The following USP14 variants were observed in gnomAD, a reference collection of about 807,000 sequenced individuals.
USP14 encodes the protein ubiquitin carboxyl-terminal hydrolase 14.
In USP14, 38 loss-of-function variants were observed where a neutral mutation model predicts 76.5. The ratio of observed to expected loss-of-function variants is 0.50; its 90% confidence interval spans 0.38 to 0.65. The LOEUF (loss-of-function observed/expected upper bound fraction) is 0.65. USP14 is among the 30% of genes least tolerant of loss of function. The pLI, the probability that USP14 is intolerant of heterozygous loss-of-function variation, is 0.00. For synonymous variants in USP14, 192 were observed against 191.7 expected (o/e 1.00, Z -0.01); for missense variants, 467 against 586.5 (o/e 0.80, Z 2.10).
intron 10 of USP14, 80 bp from the exon 11 acceptor site, chr18:202,800 A>T (rs914962015): frequency 1.7e-5 from 24 of 1,415,272 alleles, no homozygotes; most frequent in Non-Finnish European, 2.2e-5. Flanking sequence ...AGTTTTTAAA[A>T]GGCTTACTGG....
At chr18:164,004 C>T (rs1909197543) in intron 2 of USP14, among the ~76,000 whole-genome samples, 1 of 152,140 alleles carries the variant, frequency 6.6e-6, no homozygotes, top group Non-Finnish European at 1.5e-5. Context: ...TAATGATCTC[C>T]AGCTCCATCC....
chr18:201,063 A>G (rs1472061933), intron 10 of USP14, among the ~76,000 whole-genome samples: 1 of 152,172 alleles, frequency 6.6e-6, no homozygotes, highest in Non-Finnish European at 1.5e-5. Flanking sequence ...GGCCTCCCAA[A>G]GTGCTGGGAT....
chr18:197,750 T>A (rs1173057632), intron 8 of USP14, 54 bp downstream of exon 8: 111 of 1,443,358 alleles, frequency 7.7e-5, no homozygotes, highest in Non-Finnish European at 1.0e-4. Context: ...GATTTTTTTT[T>A]TTATTTTTTT....
rs1555603844 is a variant in USP14 at position 213,985 on chromosome 18, A to AGAT, written c.*2702_*2704dup. 9 of 150,750 alleles carry AGAT rather than the reference A, an allele frequency of 6.0e-5. No homozygotes were observed. Among genetic ancestry groups the AGAT allele is most frequent in the Non-Finnish European group, 1.3e-4 (9 of 67,686 alleles). 9.3% of individuals were successfully genotyped at this position (150,750 alleles called of 1,614,324 possible). A position where few individuals can be genotyped will look rare whatever the true frequency, so the allele number is the denominator to read the frequency against. ...GACAAGATAGATAGATTAGATAGAT[A>AGAT]GATAGATAGATAGATGATGATTGAT... On this transcript the variant is annotated 3_prime_UTR_variant, in exon 16 of 16. Coordinates refer to ENST00000261601, the MANE Select transcript of USP14 (RefSeq NM_005151.4).
At chr18:171,022 A>AT (rs1568416750) in intron 3 of USP14, among the ~76,000 whole-genome samples, 746 of 73,754 alleles carry the variant, frequency 0.01, 2 homozygotes, top group African/African-American at 0.016. Flanking sequence ...AAAAAAAAAA[A>AT]AAAATATATA....
At chr18:185,976 A>G (rs1030102504) in intron 5 of USP14, among the ~76,000 whole-genome samples, 2 of 151,846 alleles carry the variant, frequency 1.3e-5, no homozygotes, top group African/African-American at 4.8e-5. Context: ...TACTGGGATT[A>G]CAGGTGTGAG....
intron 5 of USP14, among the ~76,000 whole-genome samples, chr18:191,108 A>C (rs1217928826): frequency 6.6e-6 from 1 of 152,168 alleles, no homozygotes; most frequent in Non-Finnish European, 1.5e-5. Context: ...AGTGATGTTC[A>C]GGGTATGTCT....
chr18:203,286 GCTTT>G, intron 12 of USP14, 96 bp downstream of exon 12: 2 of 1,152,138 alleles, frequency 1.7e-6, no homozygotes, highest in Non-Finnish European at 2.5e-6. Flanking sequence ...GAATAGTTAA[GCTTT>G]CTTTGAAATA....
At chr18:183,537 C>A (rs1347719377) in intron 5 of USP14, among the ~76,000 whole-genome samples, 1 of 151,732 alleles carries the variant, frequency 6.6e-6, no homozygotes, top group Admixed American at 6.6e-5. Flanking sequence ...TCTAACTTTC[C>A]TCCGTGTTTT....
rs542960980 is a variant in USP14, at chr18:212,701, A to C, written c.*1417A>C. The stretch of plus-strand genomic sequence containing the variant: ...AATACCAAGCATATGAGGTATTTCA[A>C]TATGATAGGCTTCTTACATTTTAAT... On this transcript the variant is annotated 3_prime_UTR_variant, in exon 16 of 16. Coordinates refer to ENST00000261601, the MANE Select transcript of USP14 (RefSeq NM_005151.4). 1 of 152,360 alleles carries C rather than the reference A, an allele frequency of 6.6e-6. No homozygotes were observed. The highest frequency in any genetic ancestry group is 1.9e-4 in the East Asian group (1 of 5,184). The allele number at this position is 152,360 out of a possible 1,614,324, so 9.4% of individuals were successfully genotyped here. A position where few individuals can be genotyped will look rare whatever the true frequency, so the allele number is the denominator to read the frequency against.
intron 6 of USP14, among the ~76,000 whole-genome samples, chr18:195,725 A>G (rs972141298): frequency 5.3e-5 from 8 of 152,186 alleles, no homozygotes; most frequent in East Asian, 1.9e-4. Flanking sequence ...AGAACCAACT[A>G]TAGGTTTAAA....
chr18:198,383 T>C (rs998789009), intron 9 of USP14, among the ~76,000 whole-genome samples: 2 of 152,160 alleles, frequency 1.3e-5, no homozygotes, highest in Non-Finnish European at 2.9e-5. Context: ...TACAGGTGCA[T>C]GCCACCATAC....
chr18:188,708 C>T (rs151245031), intron 5 of USP14, among the ~76,000 whole-genome samples: 10,194 of 151,874 alleles, frequency 0.067, 702 homozygotes, highest in East Asian at 0.32. Context: ...GACAGAGTCT[C>T]GCTGTGTTGC....
In USP14 at chr18:214,597, A is replaced by AGTT. The variant is rs775312754; in HGVS notation, c.*3314_*3316dup. On this transcript the variant is annotated 3_prime_UTR_variant, in exon 16 of 16. Transcript: ENST00000261601. Reference sequence around the variant, plus strand: ...GCTGCTTGGTAACAAAATCTATCACAGTTTTAATAAAAAGAAAAAAAAAAG... The same window carrying AGTT: ...GCTGCTTGGTAACAAAATCTATCACAGTTGTTTTAATAAAAAGAAAAAAAAAAG... 1.2e-5 allele frequency: 19 copies of AGTT among 1,561,194 alleles called. No homozygotes were observed. The South Asian group carries it at 2.3e-4, about 19-fold the overall frequency.
intron 11 of USP14, 59 bp downstream of exon 11, chr18:203,004 T>C: frequency 6.2e-7 from 1 of 1,606,408 alleles, no homozygotes; most frequent in East Asian, 2.2e-5. Flanking sequence ...TTCCAGTTAA[T>C]TAATTTTATC....
chr18:184,508 C>T (rs1198409607), intron 5 of USP14, among the ~76,000 whole-genome samples: 3 of 152,188 alleles, frequency 2.0e-5, no homozygotes, highest in South Asian at 4.1e-4. Flanking sequence ...AATCCCAGTA[C>T]TTTGGGAGGC....
intron 5 of USP14, among the ~76,000 whole-genome samples, chr18:186,926 G>A (rs569938223): frequency 2.6e-5 from 4 of 152,238 alleles, no homozygotes; most frequent in Admixed American, 6.5e-5. Context: ...TTGATGCATA[G>A]GATTCTTTGG....
At chr18:186,093 T>C (rs994592219) in intron 5 of USP14, among the ~76,000 whole-genome samples, 47 of 152,324 alleles carry the variant, frequency 3.1e-4, no homozygotes, top group African/African-American at 1.1e-3. Flanking sequence ...ATATTCACTT[T>C]TTCTCAGCCA....
chr18:200,563 A>T (rs1228664159), intron 10 of USP14, among the ~76,000 whole-genome samples: 1 of 152,204 alleles, frequency 6.6e-6, no homozygotes, highest in African/African-American at 2.4e-5. Context: ...TTCCAGTGCC[A>T]TACTAAAGAA....
Sources: gnomAD v4.1 joint callset for allele counts (sites outside exome capture counted in the v4.1 genomes callset) on GRCh38, gnomAD v4.1.1 for gene constraint, MANE v1.5 for transcripts, NCBI Gene and HGNC (gene_info 2026-07-23, HGNC 2026-07-21) for gene names.